Variants in FAM53B observed in about 807,000 individuals in gnomAD.
The protein encoded by FAM53B is family with sequence similarity 53 member B.
A neutral mutation model predicts 32.7 loss-of-function variants in FAM53B; 12 were observed. The observed-to-expected ratio is 0.37, with a 90% CI of 0.24 to 0.59. FAM53B has a LOEUF of 0.59. FAM53B is among the 20% of genes least tolerant of loss of function. The pLI is 0.72. For synonymous variants in FAM53B, 234 were observed against 228.7 expected, an observed-to-expected ratio of 1.02 and a Z score of -0.21; for missense variants, 477 against 577.7, an observed-to-expected ratio of 0.83 and a Z score of 1.79.
intron 4 of FAM53B, among the ~76,000 whole-genome samples, chr10:124,668,297 T>C (rs1333063281): frequency 6.6e-6 from 1 of 152,256 alleles, no homozygotes; most frequent in Non-Finnish European, 1.5e-5. Context: ...AAGCTGTTTC[T>C]GAGCAGGACC....
At chr10:124,631,091 C>T (rs767335102) in intron 4 of FAM53B, among the ~76,000 whole-genome samples, 7 of 152,222 alleles carry the variant, frequency 4.6e-5, no homozygotes, top group Non-Finnish European at 8.8e-5. Flanking sequence ...GTGGCACCAG[C>T]TTGGGGCTCT....
chr10:124,683,378 A>C (rs906520335), intron 3 of FAM53B, among the ~76,000 whole-genome samples: 4 of 152,244 alleles, frequency 2.6e-5, no homozygotes, highest in African/African-American at 9.6e-5. Context: ...ACCTGTTAGT[A>C]CTATTTTCTC....
At position 124,621,951 on chromosome 10, in the gene FAM53B, T is replaced by G. The variant is rs1480576279; in HGVS notation, c.*1291A>C. The G allele has an allele frequency of 6.6e-6, 1 of 152,476 alleles. No homozygotes were observed. Among genetic ancestry groups the G allele is most frequent in the Non-Finnish European group, 1.5e-5 (1 of 68,050 alleles). The allele number at this position is 152,476 out of a possible 1,614,324, so 9.4% of individuals were successfully genotyped here. ...CCATAGAGCAGAGCCCATGTGGTGG[T>G]GTCTGCAAGGCAGCCGGAGAGGAGC... On this transcript the variant is annotated 3_prime_UTR_variant, in exon 5 of 5. Transcript: ENST00000337318.
At chr10:124,719,750 C>T (rs1950057994) in intron 1 of FAM53B, among the ~76,000 whole-genome samples, 1 of 152,204 alleles carries the variant, frequency 6.6e-6, no homozygotes, top group African/African-American at 2.4e-5. Flanking sequence ...GAGCACTCCT[C>T]CATGCACCTC....
chr10:124,666,896 G>GCCC (rs1949676278), intron 4 of FAM53B, among the ~76,000 whole-genome samples: 1 of 152,236 alleles, frequency 6.6e-6, no homozygotes, highest in Non-Finnish European at 1.5e-5. Flanking sequence ...TATACCCGAG[G>GCCC]CAGAGGGCAC....
At chr10:124,646,715 G>A (rs1018216765) in intron 4 of FAM53B, among the ~76,000 whole-genome samples, 1 of 152,180 alleles carries the variant, frequency 6.6e-6, no homozygotes, top group Non-Finnish European at 1.5e-5. Context: ...TGTGAACTCT[G>A]ACTTCCCTTC....
intron 3 of FAM53B, among the ~76,000 whole-genome samples, chr10:124,683,495 G>A (rs190024906): frequency 8.5e-4 from 129 of 152,260 alleles, no homozygotes; most frequent in African/African-American, 2.9e-3. Flanking sequence ...TTAAATGCAC[G>A]CCGGGTCTCT....
chr10:124,630,297 C>T (rs2134037730), intron 4 of FAM53B, among the ~76,000 whole-genome samples: 1 of 152,270 alleles, frequency 6.6e-6, no homozygotes, highest in South Asian at 2.1e-4. Flanking sequence ...GCCTGTGGTC[C>T]CCGCTACTCG....
intron 1 of FAM53B, among the ~76,000 whole-genome samples, chr10:124,727,481 G>A (rs183220687): frequency 2.2e-4 from 33 of 152,174 alleles, no homozygotes; most frequent in African/African-American, 7.5e-4. Context: ...TTAGTGCCCG[G>A]AGTACTGGCT....
chr10:124,652,671 G>A (rs1390347579), intron 4 of FAM53B, among the ~76,000 whole-genome samples: 1 of 152,204 alleles, frequency 6.6e-6, no homozygotes, highest in African/African-American at 2.4e-5. Flanking sequence ...AGGACAGTAT[G>A]TATTTTAATG....
intron 1 of FAM53B, among the ~76,000 whole-genome samples, chr10:124,711,420 T>G (rs1264553148): frequency 6.6e-6 from 1 of 152,138 alleles, no homozygotes; most frequent in Non-Finnish European, 1.5e-5. Context: ...GACAATTTTC[T>G]GCTTGTGATG....
At chr10:124,731,892 G>A (rs1420618975) in intron 1 of FAM53B, among the ~76,000 whole-genome samples, 3 of 152,168 alleles carry the variant, frequency 2.0e-5, no homozygotes, top group South Asian at 2.1e-4. Context: ...ATGGGCTGAC[G>A]CAGCTCAAAC....
intron 4 of FAM53B, among the ~76,000 whole-genome samples, chr10:124,660,967 G>A (rs1949627096): frequency 6.6e-6 from 1 of 150,774 alleles, no homozygotes; most frequent in South Asian, 2.1e-4. Context: ...CACTACTTGA[G>A]TGACAGGTGC....
intron 1 of FAM53B, among the ~76,000 whole-genome samples, chr10:124,722,013 G>C (rs1950071094): frequency 6.6e-6 from 1 of 152,208 alleles, no homozygotes; most frequent in Non-Finnish European, 1.5e-5. Flanking sequence ...AAGCAGAACA[G>C]AGGAGACTAG....
intron 1 of FAM53B, among the ~76,000 whole-genome samples, chr10:124,743,247 A>G (rs1950210771): frequency 6.6e-6 from 1 of 152,172 alleles, no homozygotes; most frequent in Non-Finnish European, 1.5e-5. Flanking sequence ...TCTCTGCCCC[A>G]AGAGAAACCC....
rs1386649235 is a variant in FAM53B, at chr10:124,706,669, G to A, written c.45C>T (p.Asp15=). The A allele has an allele frequency of 1.9e-6, 3 of 1,614,212 alleles. No individual in the cohort carries two copies. Among genetic ancestry groups the A allele is most frequent in the Non-Finnish European group, 2.5e-6 (3 of 1,180,024 alleles). Residue 15 remains aspartate, a synonymous_variant, in exon 2 of 5, where the codon GAC becomes GAT. Transcript: ENST00000337318. ...GGCTGAAGGTCCCACATGCAATGGA[G>A]TCAGCTCCCCGGGTGCTGAGGCTTT... ...LSESLSTRGA[D]SIACGTFSRE... is the part of the protein sequence containing the mutation.
At chr10:124,727,338 G>T (rs1049517484) in intron 1 of FAM53B, among the ~76,000 whole-genome samples, 1 of 141,262 alleles carries the variant, frequency 7.1e-6, no homozygotes, top group Non-Finnish European at 1.5e-5. Flanking sequence ...TGTGGGGGGG[G>T]GGGGGGTGCG....
At chr10:124,672,561 C>G (rs1482958731) in intron 4 of FAM53B, among the ~76,000 whole-genome samples, 7 of 152,234 alleles carry the variant, frequency 4.6e-5, no homozygotes, top group Admixed American at 4.6e-4. Context: ...TGTAAACTGA[C>G]CAGATGTGGC....
At chr10:124,661,140 C>G (rs559023369) in intron 4 of FAM53B, among the ~76,000 whole-genome samples, 1 of 151,476 alleles carries the variant, frequency 6.6e-6, no homozygotes, top group Admixed American at 6.6e-5. Flanking sequence ...GAGGTGACAG[C>G]TGTCACCACT....
Sources: gnomAD v4.1 joint callset for allele counts (sites outside exome capture counted in the v4.1 genomes callset) on GRCh38, gnomAD v4.1.1 for gene constraint, MANE v1.5 for transcripts, NCBI Gene and HGNC (gene_info 2026-07-23, HGNC 2026-07-21) for gene names.